Variants in GALNT14 observed in about 807,000 individuals in gnomAD.
The protein encoded by GALNT14 is UDP-GalNAc:polypeptide N-acetylgalactosaminyltransferase 14.
GALNT14 carries 60 observed loss-of-function variants against 77.5 expected under a neutral mutation model. That is an observed-to-expected ratio of 0.77 (90% confidence interval 0.63 to 0.96). The LOEUF is 0.96. Among genes scored for constraint, GALNT14 ranks in the 40% least tolerant of loss-of-function variants. The probability of loss-of-function intolerance (pLI) is 0.00; values close to 1 mark genes in which losing one functional copy is unlikely to be tolerated. For synonymous variants in GALNT14, 280 were observed against 281.7 expected, an observed-to-expected ratio of 0.99 and a Z score of 0.06; for missense variants, 710 against 731.0, an observed-to-expected ratio of 0.97 and a Z score of 0.33.
At chr2:31,117,501 T>A (rs1678169274) in intron 1 of GALNT14, among the ~76,000 whole-genome samples, 2 of 152,132 alleles carry the variant, frequency 1.3e-5, no homozygotes, top group South Asian at 4.1e-4. Context: ...GGTACATAAA[T>A]GCAAAAACTG....
intron 6 of GALNT14, among the ~76,000 whole-genome samples, chr2:30,946,092 G>T (rs1319750080): frequency 1.3e-5 from 2 of 152,190 alleles, no homozygotes; most frequent in African/African-American, 2.4e-5. Flanking sequence ...TTCCTTGACT[G>T]CTGGGACCTC....
chr2:31,030,896 G>C (rs548193615), intron 1 of GALNT14, among the ~76,000 whole-genome samples: 1 of 152,240 alleles, frequency 6.6e-6, no homozygotes, highest in East Asian at 1.9e-4. Flanking sequence ...TCTTTTTCTT[G>C]GGATGCCTAT....
At chr2:31,027,159 C>T (rs976628347) in intron 1 of GALNT14, among the ~76,000 whole-genome samples, 6 of 152,306 alleles carry the variant, frequency 3.9e-5, no homozygotes, top group East Asian at 1.9e-4. Flanking sequence ...TGGCCAGTTG[C>T]GGTGGCTCAC....
intron 1 of GALNT14, among the ~76,000 whole-genome samples, chr2:31,079,232 C>G (rs1676006191): frequency 6.6e-6 from 1 of 152,168 alleles, no homozygotes; most frequent in African/African-American, 2.4e-5. Context: ...AGCCATGCTT[C>G]TAGGGATGAT....
intron 1 of GALNT14, among the ~76,000 whole-genome samples, chr2:31,039,839 AG>A (rs1241628617): frequency 1.3e-5 from 2 of 152,248 alleles, no homozygotes; most frequent in African/African-American, 4.8e-5. Context: ...AGGATTTTGT[AG>A]AAGACTTTAT....
intron 1 of GALNT14, among the ~76,000 whole-genome samples, chr2:30,999,692 G>A (rs1670242349): frequency 6.6e-6 from 1 of 152,152 alleles, no homozygotes; most frequent in Admixed American, 6.5e-5. Context: ...CTGTGCCTAT[G>A]GTAATGCCTG....
At chr2:31,028,927 T>TAC (rs1672239792) in intron 1 of GALNT14, among the ~76,000 whole-genome samples, 1 of 152,160 alleles carries the variant, frequency 6.6e-6, no homozygotes, top group Non-Finnish European at 1.5e-5. Context: ...TTGGCCATGT[T>TAC]CAAAAACCAA....
chr2:31,105,734 A>G (rs1415339810), intron 1 of GALNT14, among the ~76,000 whole-genome samples: 3 of 152,098 alleles, frequency 2.0e-5, no homozygotes, highest in Non-Finnish European at 4.4e-5. Context: ...CAAAAAAAAA[A>G]GAAAAAGAAA....
chr2:31,127,995 C>T (rs985692246), intron 1 of GALNT14, among the ~76,000 whole-genome samples: 3 of 152,156 alleles, frequency 2.0e-5, no homozygotes, highest in Non-Finnish European at 2.9e-5. Flanking sequence ...CATGTTTCTG[C>T]TTGGGATCTT....
intron 13 of GALNT14, among the ~76,000 whole-genome samples, chr2:30,918,739 A>G (rs1484284820): frequency 2.5e-4 from 12 of 48,940 alleles, no homozygotes; most frequent in South Asian, 1.5e-3. Context: ...GGGGGGTATC[A>G]GGCAGGGAGG....
At chr2:30,937,554 C>T (rs375257169) in intron 9 of GALNT14, among the ~76,000 whole-genome samples, 19 of 152,280 alleles carry the variant, frequency 1.2e-4, no homozygotes, top group African/African-American at 4.1e-4. Flanking sequence ...GGGCCTCTCT[C>T]GGCTACTTCC....
rs747470499 is a variant in GALNT14 at position 30,955,718 on chromosome 2, C to T, written c.554G>A (p.Arg185Gln). ...GGTGCCCTGGGCGATGTCAGCGCCC[C>T]GAATCCGGGACCGGACCAGACCTGC... Reference protein sequence around the residue: ...ERQGLVRSRIRGADIAQGTTL... With the variant: ...ERQGLVRSRIQGADIAQGTTL... Residue 185 changes from arginine (R) to glutamine (Q), a missense_variant, in exon 6 of 15, where the codon CGG (arginine) becomes CAG (glutamine). Transcript: ENST00000349752. 2.0e-5 allele frequency: 33 copies of T among 1,614,002 alleles called. No homozygotes were observed. Among genetic ancestry groups the T allele is most frequent in the Middle Eastern group, 1.6e-4 (1 of 6,076 alleles).
intron 3 of GALNT14, among the ~76,000 whole-genome samples, chr2:30,963,160 G>A (rs887030970): frequency 9.2e-5 from 14 of 152,162 alleles, no homozygotes; most frequent in Admixed American, 2.6e-4. Context: ...CGTCTGGCAC[G>A]TCATGGGTGT....
At position 30,966,302 on chromosome 2, in the gene GALNT14, T is replaced by C. The variant is rs1252562902; in HGVS notation, c.300A>G (p.Arg100=). ...NRAIPDTRHL[R]CTLLVYCTDL... is the part of the protein sequence containing the mutation. Reference sequence around the variant, plus strand: ...CCGTGCAATACACCAGCAGTGTGCATCTGGGGAAGGAAAGGCACAGGGCAA... The same window carrying C: ...CCGTGCAATACACCAGCAGTGTGCACCTGGGGAAGGAAAGGCACAGGGCAA... The change falls in exon 3 of 15, where the codon AGA becomes AGG. Residue 100 remains arginine, a splice_region_variant and synonymous_variant. Coordinates refer to ENST00000349752, the MANE Select transcript of GALNT14 (RefSeq NM_024572.4). The C allele has an allele frequency of 6.2e-7, 1 of 1,611,920 alleles. No homozygotes were observed. Among genetic ancestry groups the C allele is most frequent in the Non-Finnish European group, 8.5e-7 (1 of 1,178,122 alleles).
intron 4 of GALNT14, 128 bp downstream of exon 4, chr2:30,958,269 C>T (rs1271081580): frequency 1.4e-6 from 1 of 736,608 alleles, no homozygotes. Flanking sequence ...CGCTCAAAGA[C>T]TTCCGTACCT....
At chr2:30,983,684 T>C (rs1669121716) in intron 2 of GALNT14, among the ~76,000 whole-genome samples, 1 of 152,178 alleles carries the variant, frequency 6.6e-6, no homozygotes, top group Non-Finnish European at 1.5e-5. Flanking sequence ...TTAGTACCTC[T>C]GGGCAAAGCT....
chr2:30,955,221 G>A (rs1667284476), intron 6 of GALNT14, among the ~76,000 whole-genome samples: 1 of 152,096 alleles, frequency 6.6e-6, no homozygotes, highest in African/African-American at 2.4e-5. Context: ...GGAATTAGGG[G>A]ATGAAGCCTG....
chr2:30,921,097 G>T (rs552978165), intron 13 of GALNT14, among the ~76,000 whole-genome samples: 1 of 152,270 alleles, frequency 6.6e-6, no homozygotes, highest in African/African-American at 2.4e-5. Flanking sequence ...AAGGTCAGCT[G>T]GGATGGGCAC....
intron 1 of GALNT14, among the ~76,000 whole-genome samples, chr2:30,999,738 C>T (rs968872667): frequency 3.9e-5 from 6 of 152,232 alleles, no homozygotes; most frequent in African/African-American, 1.4e-4. Flanking sequence ...CCAGGCTCTA[C>T]ACCATATTTT....
Sources: gnomAD v4.1 joint callset for allele counts (sites outside exome capture counted in the v4.1 genomes callset) on GRCh38, gnomAD v4.1.1 for gene constraint, MANE v1.5 for transcripts, NCBI Gene and HGNC (gene_info 2026-07-23, HGNC 2026-07-21) for gene names.